FOLH1: variants seen among roughly 807,000 people sequenced by gnomAD.
The protein encoded by FOLH1 is folate hydrolase 1.
Under a neutral mutation model 93.9 loss-of-function variants are expected in FOLH1, and 54 were observed. The ratio of observed to expected loss-of-function variants is 0.57; its 90% CI spans 0.46 to 0.72. The LOEUF is 0.72. Among genes scored for constraint, FOLH1 ranks in the 30% least tolerant of loss-of-function variants. The pLI is 0.00. For synonymous variants in FOLH1, 249 were observed against 303.6 expected (o/e 0.82, Z 1.87); for missense variants, 571 against 892.5 (o/e 0.64, Z 4.59).
At position 49,156,733 on chromosome 11, in the gene FOLH1, C is replaced by G. The variant is rs758208664; in HGVS notation, c.1607G>C (p.Arg536Pro). 9.3e-6 allele frequency: 15 copies of G among 1,612,518 alleles called. No homozygotes were observed. Among genetic ancestry groups the G allele is most frequent in the Non-Finnish European group, 1.3e-5 (15 of 1,179,006 alleles). ...QRLGIASGRA[R>P]YTKNWETNKF... ...TTCACTTACCCAATTTTTAGTATAC[C>G]GTGCTCTGCCTGAAGCAATTCCAAG... The change falls in exon 15 of 19, where the codon CGG becomes CCG. Residue 536 changes from arginine to proline, a missense_variant. By Grantham distance (103) the Arg-to-Pro change is moderately radical (BLOSUM62 -2). Coordinates refer to ENST00000256999, the MANE Select transcript of FOLH1 (RefSeq NM_004476.3).
intron 17 of FOLH1, among the ~76,000 whole-genome samples, chr11:49,150,581 A>G (rs1195532946): frequency 2.0e-5 from 3 of 152,246 alleles, no homozygotes; most frequent in Admixed American, 1.3e-4. Flanking sequence ...TATTCCTTTT[A>G]TTTTTAAAGC....
At chr11:49,178,335 G>A (rs936003039) in intron 7 of FOLH1, among the ~76,000 whole-genome samples, 1 of 152,190 alleles carries the variant, frequency 6.6e-6, no homozygotes, top group African/African-American at 2.4e-5. Flanking sequence ...AACATCAGTT[G>A]CTTTGGGGGT....
At chr11:49,153,675 A>G (rs528215609) in intron 17 of FOLH1, among the ~76,000 whole-genome samples, 171 bp downstream of exon 17, 2 of 152,238 alleles carry the variant, frequency 1.3e-5, no homozygotes, top group South Asian at 4.1e-4. Context: ...CCTATGTAAC[A>G]AACCTGCACG....
intron 13 of FOLH1, among the ~76,000 whole-genome samples, chr11:49,160,997 G>A (rs1490853902): frequency 4.0e-5 from 6 of 151,728 alleles, no homozygotes; most frequent in African/African-American, 1.2e-4. Context: ...TACAAGAGAC[G>A]TTTTTAATTT....
intron 3 of FOLH1, among the ~76,000 whole-genome samples, chr11:49,198,523 C>T (rs1862909481): frequency 6.6e-6 from 1 of 151,972 alleles, no homozygotes; most frequent in Admixed American, 6.6e-5. Flanking sequence ...TATATGTCTG[C>T]TCTTTTCCAC....
intron 8 of FOLH1, 112 bp from the exon 9 acceptor site, chr11:49,175,089 T>G (rs1164087151): frequency 6.2e-6 from 6 of 973,388 alleles, no homozygotes; most frequent in African/African-American, 3.4e-5. Context: ...TCTGGTAAAA[T>G]AAACTGAAAA....
At chr11:49,167,318 T>C (rs527330467) in intron 12 of FOLH1, among the ~76,000 whole-genome samples, 1 of 152,170 alleles carries the variant, frequency 6.6e-6, no homozygotes, top group African/African-American at 2.4e-5. Flanking sequence ...TTAGAAGTTA[T>C]ATTTAGAAGT....
At chr11:49,160,789 T>C (rs1178760760) in intron 13 of FOLH1, among the ~76,000 whole-genome samples, 14 of 152,304 alleles carry the variant, frequency 9.2e-5, no homozygotes, top group Admixed American at 4.6e-4. Context: ...TAAATTTCCC[T>C]TTTAATTCTG....
At chr11:49,179,401 T>C (rs1213694049) in intron 7 of FOLH1, among the ~76,000 whole-genome samples, 1 of 152,184 alleles carries the variant, frequency 6.6e-6, no homozygotes, top group African/African-American at 2.4e-5. Flanking sequence ...ATATACTTCT[T>C]TTACTAATCC....
intron 4 of FOLH1, 134 bp downstream of exon 4, chr11:49,192,659 C>T (rs1862203379): frequency 3.7e-6 from 2 of 540,666 alleles, no homozygotes; most frequent in South Asian, 1.0e-4. Context: ...CTAAGACATT[C>T]TCATTACTTA....
intron 1 of FOLH1, chr11:49,207,936 A>AAATC (rs1565226731): frequency 2.1e-6 from 1 of 487,356 alleles, no homozygotes; most frequent in Non-Finnish European, 4.0e-6. Flanking sequence ...GAGAGGTAAA[A>AAATC]AAACAAACAA....
chr11:49,206,517 C>T (rs191189439), intron 1 of FOLH1, among the ~76,000 whole-genome samples: 4 of 152,168 alleles, frequency 2.6e-5, no homozygotes, highest in Non-Finnish European at 4.4e-5. Flanking sequence ...AAAATGAAGG[C>T]AAAAAGGAGA....
intron 14 of FOLH1, 116 bp downstream of exon 14, chr11:49,157,836 C>T (rs1178544505): frequency 1.1e-6 from 1 of 934,990 alleles, no homozygotes; most frequent in Non-Finnish European, 1.5e-6. Context: ...TTTTCTTTAT[C>T]AGATTTTAGA....
At chr11:49,166,325 G>A (rs1437118420) in intron 12 of FOLH1, among the ~76,000 whole-genome samples, 1 of 152,202 alleles carries the variant, frequency 6.6e-6, no homozygotes, top group African/African-American at 2.4e-5. Context: ...TCTGATTTGA[G>A]TCTAAGCTCA....
In FOLH1 at chr11:49,200,246, A is replaced by T. The variant is rs532027840; in HGVS notation, c.411+9T>A. The stretch of plus-strand genomic sequence containing the variant: ...GAATGTTTCTTTTATTTATTTATTT[A>T]TTTTTTACCTCATTTCCATCTTCAT... On this transcript the variant is annotated intron_variant, in intron 3 of 18. Transcript: ENST00000256999. 9.3e-5 allele frequency: 140 copies of T among 1,499,656 alleles called. No homozygotes were observed. The highest frequency in any genetic ancestry group is 3.5e-4 in the Middle Eastern group (2 of 5,780). 92.9% of individuals were successfully genotyped at this position (1,499,656 alleles called of 1,614,324 possible). A position where few individuals can be genotyped will look rare whatever the true frequency, so the allele number is the denominator to read the frequency against.
intron 2 of FOLH1, among the ~76,000 whole-genome samples, chr11:49,202,406 CT>C (rs56109471): frequency 6.0e-5 from 9 of 149,098 alleles, no homozygotes; most frequent in South Asian, 2.1e-4. Flanking sequence ...CACATTATCT[CT>C]TTTTTTTTTG....
intron 17 of FOLH1, among the ~76,000 whole-genome samples, chr11:49,153,618 G>A (rs1856696201): frequency 6.6e-6 from 1 of 152,052 alleles, no homozygotes; most frequent in South Asian, 2.1e-4. Flanking sequence ...TACATAGGAC[G>A]TGCTAGAGTG....
chr11:49,170,988 C>T (rs539723645), intron 11 of FOLH1, among the ~76,000 whole-genome samples: 13 of 152,116 alleles, frequency 8.5e-5, no homozygotes, highest in Non-Finnish European at 1.3e-4. Flanking sequence ...CATTAAGTGG[C>T]TCTAAAAGGT....
intron 6 of FOLH1, among the ~76,000 whole-genome samples, chr11:49,183,923 CTATTT>C (rs1427775449): frequency 6.6e-6 from 1 of 152,032 alleles, no homozygotes; most frequent in Non-Finnish European, 1.5e-5. Flanking sequence ...CCCTTATATT[CTATTT>C]TAAGTGACAT....
Sources: gnomAD v4.1 joint callset for allele counts (sites outside exome capture counted in the v4.1 genomes callset) on GRCh38, gnomAD v4.1.1 for gene constraint, MANE v1.5 for transcripts, NCBI Gene and HGNC (gene_info 2026-07-23, HGNC 2026-07-21) for gene names.